The following GALNT13 variants were observed in gnomAD, a reference collection of about 807,000 sequenced individuals.
GALNT13 encodes the protein polypeptide N-acetylgalactosaminyltransferase 13.
A neutral mutation model predicts 64.2 loss-of-function variants in GALNT13; 28 were observed. That is an observed-to-expected ratio of 0.44 (90% CI 0.32 to 0.60). The LOEUF is 0.60. Ranked by LOEUF, GALNT13 falls within the 20% of genes least tolerant of loss-of-function variation. The pLI, the probability that GALNT13 is intolerant of heterozygous loss-of-function variation, is 0.05. For synonymous variants in GALNT13, 214 were observed against 224.6 expected, an observed-to-expected ratio of 0.95 and a Z score of 0.42; for missense variants, 577 against 669.8, an observed-to-expected ratio of 0.86 and a Z score of 1.53.
intron 4 of GALNT13, among the ~76,000 whole-genome samples, chr2:154,207,261 C>G (rs567999333): frequency 6.6e-6 from 1 of 152,274 alleles, no homozygotes; most frequent in South Asian, 2.1e-4. Context: ...TGTTCTAACA[C>G]CAATCTTGTC....
the GALNT13 span, among the ~76,000 whole-genome samples, chr2:153,653,502 A>G: frequency 6.6e-5 from 10 of 152,254 alleles, no homozygotes; most frequent in African/African-American, 2.4e-4. Context: ...AATACTTACT[A>G]AAATATTTAT....
intron 4 of GALNT13, among the ~76,000 whole-genome samples, chr2:154,224,132 G>A (rs1306953529): frequency 2.6e-5 from 4 of 151,952 alleles, no homozygotes; most frequent in African/African-American, 9.7e-5. Flanking sequence ...ATGATATCAT[G>A]GCAAAATAAT....
At chr2:153,805,650 C>T in the GALNT13 span, among the ~76,000 whole-genome samples, 8 of 151,818 alleles carry the variant, frequency 5.3e-5, no homozygotes, top group African/African-American at 1.2e-4. Flanking sequence ...TAGCAAAAAG[C>T]GAGGTGGGGA....
At chr2:153,947,232 A>T (rs528541494) in intron 3 of GALNT13, among the ~76,000 whole-genome samples, 84 of 152,164 alleles carry the variant, frequency 5.5e-4, no homozygotes, top group African/African-American at 2.0e-3. Context: ...GAGGTCCCTG[A>T]TGTTTGGGAC....
At chr2:153,363,072 T>G in the GALNT13 span, among the ~76,000 whole-genome samples, 1 of 152,228 alleles carries the variant, frequency 6.6e-6, no homozygotes, top group East Asian at 1.9e-4. Context: ...AACTCAGGAT[T>G]CAGAAACTCA....
the GALNT13 span, among the ~76,000 whole-genome samples, chr2:153,436,953 G>A: frequency 1.3e-5 from 2 of 152,068 alleles, no homozygotes; most frequent in East Asian, 3.9e-4. Context: ...GCTTTCTCTT[G>A]TGGGCATTTA....
At chr2:153,754,567 A>G in the GALNT13 span, among the ~76,000 whole-genome samples, 1 of 152,106 alleles carries the variant, frequency 6.6e-6, no homozygotes, top group African/African-American at 2.4e-5. Context: ...AGTGCAAGAC[A>G]GTCCCCCCAC....
intron 9 of GALNT13, among the ~76,000 whole-genome samples, chr2:154,344,093 G>A (rs1301309324): frequency 2.0e-5 from 3 of 151,974 alleles, no homozygotes; most frequent in African/African-American, 2.4e-5. Context: ...AGGATTTTAT[G>A]TATTCTGTCT....
the GALNT13 span, among the ~76,000 whole-genome samples, chr2:153,748,608 T>G: frequency 6.6e-6 from 1 of 152,162 alleles, no homozygotes; most frequent in South Asian, 2.1e-4. Flanking sequence ...TTTGCCAATT[T>G]TGTATTGGAT....
chr2:153,859,264 T>C, the GALNT13 span, among the ~76,000 whole-genome samples: 1 of 152,228 alleles, frequency 6.6e-6, no homozygotes, highest in Non-Finnish European at 1.5e-5. Flanking sequence ...CTAATAAATA[T>C]CCTAATTTTC....
chr2:154,023,369 G>C (rs1574354402), intron 3 of GALNT13, among the ~76,000 whole-genome samples: 1 of 152,108 alleles, frequency 6.6e-6, no homozygotes, highest in Non-Finnish European at 1.5e-5. Flanking sequence ...TATGAATCTG[G>C]GTGCTCCTGT....
intron 11 of GALNT13, among the ~76,000 whole-genome samples, chr2:154,428,877 G>T (rs1019353728): frequency 2.0e-5 from 3 of 151,842 alleles, no homozygotes; most frequent in Non-Finnish European, 4.4e-5. Flanking sequence ...CGCCTCCCGG[G>T]TTCATGCCAT....
chr2:153,633,574 A>G, the GALNT13 span, among the ~76,000 whole-genome samples: 17 of 152,138 alleles, frequency 1.1e-4, no homozygotes, highest in South Asian at 8.3e-4. Flanking sequence ...GCCTACTACA[A>G]TATTTTTCAC....
chr2:154,032,397 G>C (rs1049464766), intron 3 of GALNT13, among the ~76,000 whole-genome samples: 4 of 151,650 alleles, frequency 2.6e-5, no homozygotes, highest in African/African-American at 7.2e-5. Flanking sequence ...CTTCCCGAAA[G>C]GAGAAGTAGC....
chr2:153,239,610 C>T, the GALNT13 span, among the ~76,000 whole-genome samples: 2 of 152,150 alleles, frequency 1.3e-5, no homozygotes, highest in Admixed American at 6.6e-5. Flanking sequence ...ATCCTTCACT[C>T]TGTTCATATG....
At chr2:153,930,932 G>A (rs1307119832) in intron 2 of GALNT13, among the ~76,000 whole-genome samples, 2 of 151,904 alleles carry the variant, frequency 1.3e-5, no homozygotes, top group African/African-American at 4.8e-5. Flanking sequence ...CATTTTATCA[G>A]TATTGATTCT....
In GALNT13 at chr2:154,281,648, A is replaced by C. The variant is rs997911072; in HGVS notation, c.976-19761A>C. ...GGTTTCTGGTTTTGAGAGGAGTGGGAGATGAGATTAAAGGCTCCATCTGTG... is the reference window on the plus strand; with the variant it reads ...GGTTTCTGGTTTTGAGAGGAGTGGGCGATGAGATTAAAGGCTCCATCTGTG... On this transcript the variant is annotated intron_variant, in intron 8 of 12. Transcript: ENST00000392825. 2.6e-5 allele frequency among the ~76,000 whole-genome samples: 4 copies of C among 152,206 alleles called. No individual in the cohort carries two copies. In the South Asian group the frequency reaches 8.3e-4, roughly 32 times the overall value.
intron 2 of GALNT13, among the ~76,000 whole-genome samples, chr2:153,921,137 AG>A (rs1289153204): frequency 1.3e-5 from 2 of 152,148 alleles, no homozygotes; most frequent in African/African-American, 4.8e-5. Flanking sequence ...TATATCCAAA[AG>A]AATATAAATC....
chr2:154,269,906 G>GTATATATATATATATATATATATATA lies in GALNT13; in HGVS notation c.975+10787_975+10788insATATATATATATATATATATATATAT, dbSNP rs67387315. On this transcript the variant is annotated intron_variant, in intron 8 of 12. Coordinates refer to ENST00000392825, the MANE Select transcript of GALNT13 (RefSeq NM_052917.4). ...GTCATATATATATTTATATATATGT[G>GTATATATATATATATATATATATATA]TATATATATATATATATATTTCTAA... Among the ~76,000 whole-genome samples the GTATATATATATATATATATATATATA allele has an allele frequency of 7.9e-3, 766 of 96,668 alleles. 22 individuals carry two copies. The highest frequency in any genetic ancestry group is 0.027 in the East Asian group (56 of 2,090). 63.4% of individuals were successfully genotyped at this position (96,668 alleles called of 152,430 possible). A position where few individuals can be genotyped will look rare whatever the true frequency, so the allele number is the denominator to read the frequency against.
Sources: gnomAD v4.1 joint callset for allele counts (sites outside exome capture counted in the v4.1 genomes callset) on GRCh38, gnomAD v4.1.1 for gene constraint, MANE v1.5 for transcripts, NCBI Gene and HGNC (gene_info 2026-07-23, HGNC 2026-07-21) for gene names.